Variants in LPA observed in about 807,000 individuals in gnomAD.
The protein encoded by LPA is lipoprotein(a).
LPA carries 199 observed loss-of-function variants against 197.9 expected under a neutral mutation model. The observed-to-expected ratio is 1.01, with a 90% CI of 0.90 to 1.13. The LOEUF (loss-of-function observed/expected upper bound fraction) is 1.13. Among genes scored for constraint, LPA ranks in the 50% most tolerant of loss-of-function variants. The pLI is 0.00. For missense variants in LPA, 1,853 were observed against 1,785.8 expected, an observed-to-expected ratio of 1.04 and a Z score of -0.68; for synonymous variants, 715 against 639.5, an observed-to-expected ratio of 1.12 and a Z score of -1.78.
At chr6:160,584,194 CT>C (rs1778853392) in intron 26 of LPA, among the ~76,000 whole-genome samples, 12 of 100,014 alleles carry the variant, frequency 1.2e-4, no homozygotes, top group Admixed American at 1.1e-3. Context: ...TCTTCTTCTT[CT>C]TCTTCTTCTT....
intron 16 of LPA, 26 bp from the exon 17 acceptor site, chr6:160,606,684 C>T: frequency 1.2e-6 from 2 of 1,613,522 alleles, no homozygotes; most frequent in Non-Finnish European, 1.7e-6. Context: ...CGATACACGT[C>T]ACAAGAGGTG....
chr6:160,579,967 C>A (rs930451721), intron 26 of LPA, among the ~76,000 whole-genome samples: 4 of 152,154 alleles, frequency 2.6e-5, no homozygotes, highest in Admixed American at 6.5e-5. Flanking sequence ...TTGTGTAGCC[C>A]ACACTGCCCT....
intron 16 of LPA, among the ~76,000 whole-genome samples, chr6:160,608,804 A>G (rs1582883171): frequency 7.2e-6 from 1 of 138,102 alleles, no homozygotes; most frequent in Non-Finnish European, 1.5e-5. Flanking sequence ...TTTCTATTTC[A>G]CTATTTCTTG....
At chr6:160,601,881 A>T (rs750862824) in intron 18 of LPA, among the ~76,000 whole-genome samples, 6 of 152,156 alleles carry the variant, frequency 3.9e-5, no homozygotes, top group Non-Finnish European at 5.9e-5. Context: ...GATGAGTTGA[A>T]AGAACAGTGG....
intron 28 of LPA, among the ~76,000 whole-genome samples, chr6:160,571,259 CA>C (rs781671054): frequency 6.6e-6 from 1 of 152,206 alleles, no homozygotes; most frequent in Non-Finnish European, 1.5e-5. Flanking sequence ...CTGTAGTTAG[CA>C]ATTCCTCTGA....
chr6:160,594,707 G>T (rs532987896), intron 21 of LPA, among the ~76,000 whole-genome samples: 1 of 152,188 alleles, frequency 6.6e-6, no homozygotes, highest in Non-Finnish European at 1.5e-5. Context: ...CAACAAAGTA[G>T]ATATCCACTA....
In LPA at chr6:160,606,204, A is replaced by G. The variant is rs1392401516; in HGVS notation, c.2785+273T>C. On this transcript the variant is annotated intron_variant, in intron 17 of 38. Coordinates refer to ENST00000316300, the MANE Select transcript of LPA (RefSeq NM_005577.4). ...TTACAATAAAAATTTTGGCTAAGAC[A>G]CTGAGATAGCCCATTTTTCAACGAG... Among the ~76,000 whole-genome samples the G allele has an allele frequency of 1.1e-4, 16 of 152,254 alleles. No individual in the cohort carries two copies. The South Asian group carries it at 2.1e-3, about 20-fold the overall frequency.
In LPA at chr6:160,593,395, T is replaced by G. The variant is rs41272052; in HGVS notation, c.3629+563A>C. On this transcript the variant is annotated intron_variant, in intron 22 of 38. Coordinates refer to ENST00000316300, the MANE Select transcript of LPA (RefSeq NM_005577.4). ...GTTTCTGTCCATCTTCCTGCATGTG[T>G]AACTCTTCAGAATCTTTATACTTCC... Among the ~76,000 whole-genome samples, 288 of 152,308 alleles carry G rather than the reference T, an allele frequency of 1.9e-3. 1 individual carries two copies. Among genetic ancestry groups the G allele is most frequent in the African/African-American group, 6.5e-3 (271 of 41,562 alleles).
In LPA at chr6:160,584,270, CTCTTCT is replaced by C. The variant is rs60345887; in HGVS notation, c.4289+770_4289+775del. 1.7e-3 allele frequency among the ~76,000 whole-genome samples: 196 copies of C among 112,888 alleles called. 4 individuals are homozygous for C. The highest frequency in any genetic ancestry group is 5.0e-3 in the African/African-American group (145 of 29,036). The allele number at this position is 112,888 out of a possible 152,430, so 74.1% of individuals were successfully genotyped here. On this transcript the variant is annotated intron_variant, in intron 26 of 38. Coordinates refer to ENST00000316300, the MANE Select transcript of LPA (RefSeq NM_005577.4). ...CCTCCTCCTCCTCCTCTTCCTCTTC[CTCTTCT>C]TCTTCTTCTTCTTCTTCCTCTTCTT... is the stretch of plus-strand genomic sequence containing the variant.
chr6:160,597,493 T>C (rs996545835), intron 20 of LPA, among the ~76,000 whole-genome samples: 3 of 152,212 alleles, frequency 2.0e-5, no homozygotes, highest in Non-Finnish European at 2.9e-5. Context: ...CCATTGTGTG[T>C]ATATATGTGC....
At chr6:160,542,599 T>A (rs527927084) in intron 34 of LPA, 89 bp downstream of exon 34, 1 of 1,587,274 alleles carries the variant, frequency 6.3e-7, no homozygotes, top group Non-Finnish European at 8.6e-7. Flanking sequence ...TATTGATGCA[T>A]CAGCTGTGTG....
chr6:160,574,627 C>T (rs1399619034), intron 28 of LPA, among the ~76,000 whole-genome samples: 1 of 152,190 alleles, frequency 6.6e-6, no homozygotes, highest in African/African-American at 2.4e-5. Flanking sequence ...TCTAAATTTA[C>T]TGAGGCCCAG....
chr6:160,579,083 T>A lies in LPA; in HGVS notation c.4290-379A>T, dbSNP rs374069293. On this transcript the variant is annotated intron_variant, in intron 26 of 38. Coordinates refer to ENST00000316300, the MANE Select transcript of LPA (RefSeq NM_005577.4). ...ATTTTTTAATGCACATACAAAGATA[T>A]CTCTGTCTGTCTAGCTCTTTGTCTC... 1.6e-4 allele frequency among the ~76,000 whole-genome samples: 25 copies of A among 152,182 alleles called. 1 individual carries two copies. The highest frequency in any genetic ancestry group is 5.5e-4 in the African/African-American group (23 of 41,522).
At chr6:160,566,974 G>A (rs1282341564) in intron 28 of LPA, among the ~76,000 whole-genome samples, 4 of 152,106 alleles carry the variant, frequency 2.6e-5, no homozygotes, top group South Asian at 2.1e-4. Context: ...CCCAATACAG[G>A]AGCACCTAGA....
At chr6:160,661,263 T>C (rs1780221535) in intron 1 of LPA, among the ~76,000 whole-genome samples, 1 of 152,176 alleles carries the variant, frequency 6.6e-6, no homozygotes, top group African/African-American at 2.4e-5. Flanking sequence ...CTTTGAGGGG[T>C]GTGGTGGGGG....
chr6:160,554,620 C>T (rs1222602547), intron 30 of LPA, among the ~76,000 whole-genome samples: 4 of 152,098 alleles, frequency 2.6e-5, no homozygotes, highest in African/African-American at 9.7e-5. Context: ...CCGGTATCCC[C>T]CAGTGCTACG....
chr6:160,575,481 G>T (rs1583589607), intron 28 of LPA, among the ~76,000 whole-genome samples: 2 of 152,214 alleles, frequency 1.3e-5, no homozygotes, highest in South Asian at 2.1e-4. Context: ...TGATTTTATT[G>T]TTTACCTATG....
chr6:160,606,708 G>C, intron 16 of LPA, 50 bp from the exon 17 acceptor site: 1 of 1,600,682 alleles, frequency 6.2e-7, no homozygotes, highest in Non-Finnish European at 8.6e-7. Context: ...CAATATGCAG[G>C]GGCACCCCAC....
chr6:160,559,189 C>T (rs1169092782), intron 28 of LPA, among the ~76,000 whole-genome samples: 2 of 152,194 alleles, frequency 1.3e-5, no homozygotes, highest in East Asian at 3.9e-4. Context: ...CTGTGCTACC[C>T]CCTTACCACT....
Sources: gnomAD v4.1 joint callset for allele counts (sites outside exome capture counted in the v4.1 genomes callset) on GRCh38, gnomAD v4.1.1 for gene constraint, MANE v1.5 for transcripts, NCBI Gene and HGNC (gene_info 2026-07-23, HGNC 2026-07-21) for gene names.